UNC5D: variants seen among roughly 807,000 people sequenced by gnomAD.
UNC5D encodes the protein netrin receptor UNC5D.
In UNC5D, 39 loss-of-function variants were observed where a neutral mutation model predicts 105.4. The observed-to-expected ratio is 0.37, with a 90% confidence interval of 0.29 to 0.48. The LOEUF (loss-of-function observed/expected upper bound fraction) is 0.48, where lower values mean the gene tolerates loss of function less well. Among genes scored for constraint, UNC5D ranks in the 20% least tolerant of loss-of-function variants. The pLI, the probability that UNC5D is intolerant of heterozygous loss-of-function variation, is 0.98. For synonymous variants in UNC5D, 452 were observed against 450.4 expected (o/e 1.00, Z -0.04); for missense variants, 991 against 1,202.4 (o/e 0.82, Z 2.60).
chr8:35,281,912 G>C (rs1352620797), intron 1 of UNC5D, among the ~76,000 whole-genome samples: 1 of 151,982 alleles, frequency 6.6e-6, no homozygotes, highest in Non-Finnish European at 1.5e-5. Flanking sequence ...TCTGTGTATG[G>C]GTTACTTTTA....
chr8:35,747,656 C>T (rs1336199632), intron 11 of UNC5D, among the ~76,000 whole-genome samples: 3 of 152,100 alleles, frequency 2.0e-5, no homozygotes, highest in African/African-American at 4.8e-5. Flanking sequence ...GGGTTCTTCT[C>T]GCTGATTACT....
At chr8:35,615,900 T>C (rs934291932) in intron 4 of UNC5D, among the ~76,000 whole-genome samples, 6 of 152,214 alleles carry the variant, frequency 3.9e-5, no homozygotes, top group African/African-American at 1.4e-4. Context: ...TAAAGTTGAA[T>C]ATCACTTTAC....
intron 1 of UNC5D, among the ~76,000 whole-genome samples, chr8:35,430,623 G>A (rs906571140): frequency 3.3e-5 from 5 of 152,088 alleles, no homozygotes; most frequent in African/African-American, 1.2e-4. Context: ...CAGGTAGATA[G>A]TGTTGGAATT....
chr8:35,787,554 A>G (rs1171182921), intron 16 of UNC5D, among the ~76,000 whole-genome samples: 6 of 152,184 alleles, frequency 3.9e-5, no homozygotes, highest in Non-Finnish European at 5.9e-5. Context: ...AACTTTCCCT[A>G]CAAACATCTC....
intron 16 of UNC5D, among the ~76,000 whole-genome samples, chr8:35,790,024 G>C (rs1385724411): frequency 6.6e-6 from 1 of 152,084 alleles, no homozygotes; most frequent in African/African-American, 2.4e-5. Context: ...TGAGGCAAGA[G>C]GATCACTTAA....
At chr8:35,684,890 T>A in intron 6 of UNC5D, 141 bp downstream of exon 6, 1 of 1,114,724 alleles carries the variant, frequency 9.0e-7, no homozygotes, top group African/African-American at 1.6e-5. Flanking sequence ...GGTGCTAATG[T>A]AAAGCTCATT....
At chr8:35,581,960 C>A (rs573975492) in intron 3 of UNC5D, among the ~76,000 whole-genome samples, 1 of 152,170 alleles carries the variant, frequency 6.6e-6, no homozygotes, top group Admixed American at 6.5e-5. Flanking sequence ...TTGTCCTCTT[C>A]TCTCCACCTG....
intron 1 of UNC5D, among the ~76,000 whole-genome samples, chr8:35,245,188 G>A (rs1413504785): frequency 6.6e-6 from 1 of 151,936 alleles, no homozygotes; most frequent in Non-Finnish European, 1.5e-5. Flanking sequence ...CTTCTGATTT[G>A]TGTTCGAAAG....
At chr8:35,737,252 C>CTGTGTG (rs369792188) in intron 11 of UNC5D, among the ~76,000 whole-genome samples, 1,880 of 119,858 alleles carry the variant, frequency 0.016, 16 homozygotes, top group African/African-American at 0.019. Context: ...AAGATCTGCT[C>CTGTGTG]TGTGTGTGTG....
chr8:35,463,994 A>G (rs972997993), intron 1 of UNC5D, among the ~76,000 whole-genome samples: 1 of 152,118 alleles, frequency 6.6e-6, no homozygotes, highest in African/African-American at 2.4e-5. Context: ...TGCCCATAGT[A>G]ACTTGCAGAT....
chr8:35,495,159 CG>C (rs1169990935), intron 1 of UNC5D, among the ~76,000 whole-genome samples: 1 of 152,086 alleles, frequency 6.6e-6, no homozygotes, highest in Non-Finnish European at 1.5e-5. Context: ...TTTTTAATCA[CG>C]GGGCAAAGAG....
intron 1 of UNC5D, among the ~76,000 whole-genome samples, chr8:35,431,412 T>C (rs1300162940): frequency 6.6e-6 from 1 of 152,160 alleles, no homozygotes; most frequent in Non-Finnish European, 1.5e-5. Context: ...GAATAAGAAA[T>C]TAGGAATATA....
intron 8 of UNC5D, among the ~76,000 whole-genome samples, chr8:35,708,022 A>C (rs1827702625): frequency 6.6e-6 from 1 of 152,214 alleles, no homozygotes; most frequent in Non-Finnish European, 1.5e-5. Flanking sequence ...TTCAGGCTGC[A>C]GTTGTTCAGT....
intron 4 of UNC5D, among the ~76,000 whole-genome samples, chr8:35,667,451 C>T (rs1040307055): frequency 6.6e-6 from 1 of 152,084 alleles, no homozygotes; most frequent in Non-Finnish European, 1.5e-5. Context: ...ACTTCTTTGT[C>T]CTGGAACTAA....
intron 1 of UNC5D, among the ~76,000 whole-genome samples, chr8:35,453,150 A>C (rs1223588624): frequency 6.6e-6 from 1 of 152,168 alleles, no homozygotes; most frequent in East Asian, 1.9e-4. Context: ...CCTCAAATGA[A>C]TGGCATAAGG....
chr8:35,532,214 C>A (rs1377576355), intron 1 of UNC5D, among the ~76,000 whole-genome samples: 1 of 150,518 alleles, frequency 6.6e-6, no homozygotes. Flanking sequence ...TTAGCGCTTC[C>A]TTCAGGAGGT....
At chr8:35,638,039 A>G (rs1025940999) in intron 4 of UNC5D, among the ~76,000 whole-genome samples, 1 of 152,176 alleles carries the variant, frequency 6.6e-6, no homozygotes, top group East Asian at 1.9e-4. Context: ...GTGTTCTTTT[A>G]TGGAATCTTT....
At position 35,742,647 on chromosome 8, in the gene UNC5D, A is replaced by G. The variant is rs144320681; in HGVS notation, c.1767-5880A>G. Among the ~76,000 whole-genome samples the G allele has an allele frequency of 2.6e-4, 40 of 152,300 alleles. 1 individual carries two copies. The highest frequency in any genetic ancestry group is 9.1e-4 in the African/African-American group (38 of 41,564). ...ACAACAGCTACAGTAAAAACCTCAT[A>G]TTGGAACTTGGAACTGGTCACTTTC... is the stretch of plus-strand genomic sequence containing the variant. On this transcript the variant is annotated intron_variant, in intron 11 of 16. Coordinates refer to ENST00000404895, the MANE Select transcript of UNC5D (RefSeq NM_080872.4).
intron 16 of UNC5D, among the ~76,000 whole-genome samples, chr8:35,785,714 C>T (rs1326572060): frequency 6.6e-6 from 1 of 152,128 alleles, no homozygotes; most frequent in African/African-American, 2.4e-5. Context: ...GTGAGAAACA[C>T]ACTCACCCGT....
Sources: gnomAD v4.1 joint callset for allele counts (sites outside exome capture counted in the v4.1 genomes callset) on GRCh38, gnomAD v4.1.1 for gene constraint, MANE v1.5 for transcripts, NCBI Gene and HGNC (gene_info 2026-07-23, HGNC 2026-07-21) for gene names.